The following SND1 variants were observed in gnomAD, a reference collection of about 807,000 sequenced individuals.
SND1 encodes the protein staphylococcal nuclease and tudor domain containing 1.
In SND1, 38 loss-of-function variants were observed where a neutral mutation model predicts 121.7. The observed-to-expected ratio is 0.31, with a 90% CI of 0.24 to 0.41. SND1 has a LOEUF of 0.41. SND1 is among the 10% of genes least tolerant of loss of function. SND1 has a pLI of 1.00. For synonymous variants in SND1, 401 were observed against 447.4 expected, an observed-to-expected ratio of 0.90 and a Z score of 1.31; for missense variants, 868 against 1,184.6, an observed-to-expected ratio of 0.73 and a Z score of 3.92.
intron 1 of SND1, among the ~76,000 whole-genome samples, chr7:127,655,409 A>G (rs376373393): frequency 6.6e-6 from 1 of 152,182 alleles, no homozygotes; most frequent in South Asian, 2.1e-4. Flanking sequence ...GGGTGAAGGG[A>G]CAGAGTTGGT....
intron 16 of SND1, chr7:128,028,889 T>C (rs1241441327): frequency 6.2e-7 from 1 of 1,614,050 alleles, no homozygotes; most frequent in Non-Finnish European, 8.5e-7. Flanking sequence ...ACGGAGCTGC[T>C]GTTGCTGCTG....
chr7:127,776,981 C>G (rs1187953072), intron 10 of SND1, among the ~76,000 whole-genome samples: 1 of 152,210 alleles, frequency 6.6e-6, no homozygotes, highest in Non-Finnish European at 1.5e-5. Context: ...CTCTTCATTC[C>G]TGTGGTCACC....
At chr7:127,736,322 C>G (rs1188478408) in intron 10 of SND1, among the ~76,000 whole-genome samples, 1 of 152,196 alleles carries the variant, frequency 6.6e-6, no homozygotes, top group Non-Finnish European at 1.5e-5. Flanking sequence ...TTAATAATCG[C>G]AAGGCCTTCT....
intron 16 of SND1, among the ~76,000 whole-genome samples, chr7:128,061,374 A>C (rs1056008829): frequency 6.6e-6 from 1 of 152,210 alleles, no homozygotes. Context: ...CACAAGGCCC[A>C]AAAACCATCA....
intron 10 of SND1, among the ~76,000 whole-genome samples, chr7:127,781,264 A>G (rs189460001): frequency 3.5e-4 from 54 of 152,304 alleles, no homozygotes; most frequent in Non-Finnish European, 2.4e-4. Context: ...GAAGAGACCA[A>G]TTAGTTCACC....
intron 16 of SND1, among the ~76,000 whole-genome samples, chr7:128,022,204 CAA>C (rs58371490): frequency 0.11 from 7,906 of 74,064 alleles, 737 homozygotes; most frequent in African/African-American, 0.29. Context: ...GACTCTCTCT[CAA>C]AAAAAAAAAA....
intron 11 of SND1, among the ~76,000 whole-genome samples, chr7:127,841,883 C>A (rs1350708935): frequency 6.6e-6 from 1 of 152,156 alleles, no homozygotes; most frequent in Non-Finnish European, 1.5e-5. Context: ...TAGGAGTCAT[C>A]TTTATATTTT....
intron 12 of SND1, among the ~76,000 whole-genome samples, chr7:127,884,317 A>G (rs1383245466): frequency 6.6e-6 from 1 of 152,062 alleles, no homozygotes; most frequent in African/African-American, 2.4e-5. Context: ...AAATCTATCT[A>G]TATCTATTGA....
At chr7:127,708,393 C>G (rs1796240961) in intron 9 of SND1, among the ~76,000 whole-genome samples, 2 of 89,424 alleles carry the variant, frequency 2.2e-5, no homozygotes, top group South Asian at 1.1e-3. Context: ...CTTCCTTCTT[C>G]CCTTCCTCCC....
At chr7:127,916,335 C>G (rs1207001132) in intron 14 of SND1, among the ~76,000 whole-genome samples, 1 of 152,030 alleles carries the variant, frequency 6.6e-6, no homozygotes, top group Admixed American at 6.6e-5. Flanking sequence ...CATGAGCTTT[C>G]CAAATGTCTG....
chr7:127,779,939 ACTTTATCCATGT>A (rs757108843), intron 10 of SND1, among the ~76,000 whole-genome samples: 12 of 152,166 alleles, frequency 7.9e-5, no homozygotes, highest in Non-Finnish European at 1.8e-4. Context: ...CAGCCATAGT[ACTTTATCCATGT>A]CTTGTTTTAT....
chr7:127,970,603 A>AT (rs1491133758), intron 15 of SND1, among the ~76,000 whole-genome samples: 1 of 152,192 alleles, frequency 6.6e-6, no homozygotes, highest in African/African-American at 2.4e-5. Flanking sequence ...AGTCAAACAC[A>AT]TATTTTCTAG....
intron 10 of SND1, among the ~76,000 whole-genome samples, chr7:127,737,929 T>C (rs1796807036): frequency 6.6e-6 from 1 of 152,222 alleles, no homozygotes; most frequent in Admixed American, 6.5e-5. Flanking sequence ...GACAGTGTAC[T>C]GTCTGTGTTC....
intron 4 of SND1, among the ~76,000 whole-genome samples, chr7:127,700,702 G>C (rs1312500063): frequency 6.6e-6 from 1 of 152,184 alleles, no homozygotes; most frequent in Non-Finnish European, 1.5e-5. Context: ...AACATTATCT[G>C]TGATAGCAGT....
intron 16 of SND1, among the ~76,000 whole-genome samples, chr7:128,037,241 G>A (rs1050274062): frequency 8.5e-5 from 13 of 152,172 alleles, no homozygotes; most frequent in Non-Finnish European, 1.6e-4. Flanking sequence ...CTTGCCTCTT[G>A]CCCCTGCCAG....
chr7:128,025,693 G>A (rs950894946), intron 16 of SND1, among the ~76,000 whole-genome samples: 6 of 152,166 alleles, frequency 3.9e-5, no homozygotes, highest in Non-Finnish European at 1.5e-5. Flanking sequence ...AGCAAAGGAA[G>A]GTTACTGCTG....
intron 10 of SND1, among the ~76,000 whole-genome samples, chr7:127,751,706 G>T (rs1039908455): frequency 6.6e-6 from 1 of 152,248 alleles, no homozygotes; most frequent in African/African-American, 2.4e-5. Context: ...AAATCTGTGG[G>T]CTGGGCAGGG....
At chr7:127,925,643 C>T (rs1409917207) in intron 14 of SND1, among the ~76,000 whole-genome samples, 2 of 144,564 alleles carry the variant, frequency 1.4e-5, no homozygotes, top group Non-Finnish European at 3.0e-5. Flanking sequence ...TCACTTTTGT[C>T]ACCCAGGCTT....
intron 13 of SND1, among the ~76,000 whole-genome samples, chr7:127,897,000 A>G (rs1158765133): frequency 6.6e-6 from 1 of 152,142 alleles, no homozygotes; most frequent in African/African-American, 2.4e-5. Context: ...AATCACTGAT[A>G]CATCAATGCA....
Sources: allele counts gnomAD v4.1 joint callset (sites outside exome capture counted in the v4.1 genomes callset), GRCh38; gene constraint gnomAD v4.1.1; transcripts MANE v1.5; gene names NCBI Gene and HGNC (gene_info 2026-07-23, HGNC 2026-07-21).